OGA: variants seen among roughly 807,000 people sequenced by gnomAD.
The protein encoded by OGA is O-GlcNAcase, also known as protein O-GlcNAcase.
A neutral mutation model predicts 102.0 loss-of-function variants in OGA; 21 were observed. That is an observed-to-expected ratio of 0.21 (90% CI 0.15 to 0.30). The LOEUF (loss-of-function observed/expected upper bound fraction) is 0.30. Among genes scored for constraint, OGA ranks in the 10% least tolerant of loss-of-function variants. The pLI, the probability that OGA is intolerant of heterozygous loss-of-function variation, is 1.00. For missense variants in OGA, 765 were observed against 1,107.8 expected, an observed-to-expected ratio of 0.69 and a Z score of 4.39; for synonymous variants, 408 against 378.2, an observed-to-expected ratio of 1.08 and a Z score of -0.91.
chr10:101,816,626 TCA>T (rs2065628847), intron 1 of OGA, among the ~76,000 whole-genome samples: 1 of 152,206 alleles, frequency 6.6e-6, no homozygotes, highest in South Asian at 2.1e-4. Flanking sequence ...ACGATATAAG[TCA>T]CACAATGCAA....
At chr10:101,805,934 G>A (rs893509915) in intron 6 of OGA, 111 bp downstream of exon 6, 18 of 682,964 alleles carry the variant, frequency 2.6e-5, no homozygotes, top group South Asian at 1.4e-4. Flanking sequence ...CATCCTGGGC[G>A]ACAGAGTGAG....
intron 5 of OGA, among the ~76,000 whole-genome samples, chr10:101,807,307 T>C (rs759308280): frequency 2.5e-4 from 38 of 152,198 alleles, no homozygotes; most frequent in Non-Finnish European, 5.0e-4. Flanking sequence ...TTAAGCTTTC[T>C]ATGCTGACTA....
chr10:101,804,752 C>G (rs1419987467), intron 6 of OGA, among the ~76,000 whole-genome samples: 1 of 150,962 alleles, frequency 6.6e-6, no homozygotes, highest in Non-Finnish European at 1.5e-5. Context: ...CACCATGTCA[C>G]AGTAATTTAA....
intron 9 of OGA, 87 bp from the exon 10 acceptor site, chr10:101,798,241 G>A: frequency 8.1e-7 from 1 of 1,230,498 alleles, no homozygotes; most frequent in African/African-American, 1.5e-5. Context: ...TGCTTATGTT[G>A]TCAGGTACTG....
chr10:101,808,680 A>G (rs2135082538), intron 4 of OGA, among the ~76,000 whole-genome samples: 1 of 152,248 alleles, frequency 6.6e-6, no homozygotes, highest in Non-Finnish European at 1.5e-5. Context: ...AAAATAACAG[A>G]AAAATGGGGC....
At chr10:101,805,972 A>G in intron 6 of OGA, 73 bp downstream of exon 6, 4 of 1,071,778 alleles carry the variant, frequency 3.7e-6, no homozygotes, top group Non-Finnish European at 5.7e-6. Context: ...AAAGTATTCA[A>G]TTAACAAGAA....
intron 2 of OGA, 100 bp downstream of exon 2, chr10:101,813,455 C>T: frequency 1.3e-6 from 1 of 768,858 alleles, no homozygotes; most frequent in Non-Finnish European, 2.1e-6. Flanking sequence ...GAGAAACCAT[C>T]AAAATGCACC....
At chr10:101,797,704 C>G in intron 10 of OGA, 1 of 562,640 alleles carries the variant, frequency 1.8e-6, no homozygotes, top group East Asian at 2.9e-5. Context: ...ATCCAGAAAG[C>G]ATTCAGTCAG....
chr10:101,793,257 A>G (rs1455206864), intron 11 of OGA, among the ~76,000 whole-genome samples: 3 of 152,192 alleles, frequency 2.0e-5, no homozygotes, highest in Non-Finnish European at 4.4e-5. Flanking sequence ...TTTAAAACCT[A>G]TCTTAGATAG....
intron 4 of OGA, among the ~76,000 whole-genome samples, chr10:101,808,575 CA>C (rs1326021920): frequency 6.6e-6 from 1 of 152,154 alleles, no homozygotes; most frequent in Non-Finnish European, 1.5e-5. Context: ...ATGAAAATTT[CA>C]ACTGCCTTAA....
chr10:101,805,270 C>T (rs139640638), intron 6 of OGA, among the ~76,000 whole-genome samples: 1 of 152,252 alleles, frequency 6.6e-6, no homozygotes, highest in East Asian at 1.9e-4. Flanking sequence ...GGGGCTTCCA[C>T]CTCAGGCTCC....
At chr10:101,804,886 T>C (rs2065447405) in intron 6 of OGA, among the ~76,000 whole-genome samples, 2 of 152,178 alleles carry the variant, frequency 1.3e-5, no homozygotes, top group Admixed American at 6.5e-5. Context: ...CACGAACCAA[T>C]GCACCCAGCC....
intron 3 of OGA, 71 bp downstream of exon 3, chr10:101,812,959 T>TACA (rs1277718199): frequency 1.7e-6 from 2 of 1,170,502 alleles, no homozygotes; most frequent in Non-Finnish European, 1.3e-6. Context: ...AAAATTCTTG[T>TACA]ACAACTACAT....
chr10:101,803,901 T>C lies in OGA; in HGVS notation c.870A>G (p.Arg290=), dbSNP rs950642288. The change falls in exon 7 of 16, where the codon AGA becomes AGG. Residue 290 remains arginine, a synonymous_variant. Coordinates refer to ENST00000361464, the MANE Select transcript of OGA (RefSeq NM_012215.5). ...NIHANDYDQK[R]LFLGPYKGRS... ...TTCCTTTGTACGGGCCCAGAAACAG[T>C]CTCTTCTGATCATAATCATTAGCAT... The C allele has an allele frequency of 1.4e-5, 23 of 1,614,086 alleles. No individual in the cohort carries two copies. Among genetic ancestry groups the C allele is most frequent in the Non-Finnish European group, 1.8e-5 (21 of 1,180,040 alleles).
chr10:101,816,628 A>G (rs2065628882), intron 1 of OGA, among the ~76,000 whole-genome samples: 1 of 152,226 alleles, frequency 6.6e-6, no homozygotes, highest in African/African-American at 2.4e-5. Context: ...GATATAAGTC[A>G]CACAATGCAA....
chr10:101,807,019 T>C (rs2065485112), intron 5 of OGA, among the ~76,000 whole-genome samples: 1 of 152,230 alleles, frequency 6.6e-6, no homozygotes, highest in South Asian at 2.1e-4. Flanking sequence ...CCAATGGCTA[T>C]TAGTACTCAA....
chr10:101,801,915 G>C (rs1051826516), intron 7 of OGA, among the ~76,000 whole-genome samples: 2 of 152,330 alleles, frequency 1.3e-5, no homozygotes, highest in South Asian at 4.1e-4. Flanking sequence ...GGGAGGCAGA[G>C]GCAGGCAGAT....
chr10:101,803,051 G>A (rs1180787367), intron 7 of OGA, among the ~76,000 whole-genome samples: 1 of 145,174 alleles, frequency 6.9e-6, no homozygotes, highest in Non-Finnish European at 1.5e-5. Context: ...TGAGGCTGGA[G>A]AATCGCTTGA....
intron 10 of OGA, among the ~76,000 whole-genome samples, chr10:101,796,135 T>A (rs1287044299): frequency 2.0e-5 from 3 of 152,284 alleles, no homozygotes; most frequent in East Asian, 1.9e-4. Context: ...TAAGTTTAAA[T>A]CCCTATAAGA....
Sources: gnomAD v4.1 joint callset for allele counts (sites outside exome capture counted in the v4.1 genomes callset) on GRCh38, gnomAD v4.1.1 for gene constraint, MANE v1.5 for transcripts, NCBI Gene and HGNC (gene_info 2026-07-23, HGNC 2026-07-21) for gene names.